Variants in MDM2 observed in about 807,000 individuals in gnomAD.
MDM2 encodes E3 ubiquitin-protein ligase Mdm2.
MDM2 carries 11 observed loss-of-function variants against 64.3 expected under a neutral mutation model. The observed-to-expected ratio is 0.17, with a 90% CI of 0.11 to 0.28. The LOEUF (loss-of-function observed/expected upper bound fraction) is 0.28. MDM2 is among the 10% of genes least tolerant of loss of function. The pLI, the probability that MDM2 is intolerant of heterozygous loss-of-function variation, is 1.00. For missense variants in MDM2, 388 were observed against 577.1 expected, an observed-to-expected ratio of 0.67 and a Z score of 3.36; for synonymous variants, 194 against 192.9, an observed-to-expected ratio of 1.01 and a Z score of -0.05.
At chr12:68,833,270 T>A (rs1336937721) in intron 8 of MDM2, among the ~76,000 whole-genome samples, 6 of 84,102 alleles carry the variant, frequency 7.1e-5, no homozygotes, top group Admixed American at 4.5e-4. Flanking sequence ...TATAATTATA[T>A]ATTTATATAA....
intron 8 of MDM2, among the ~76,000 whole-genome samples, chr12:68,829,787 A>C (rs1249203157): frequency 6.6e-6 from 1 of 150,474 alleles, no homozygotes; most frequent in Admixed American, 6.6e-5. Context: ...AAAAAAATGC[A>C]GGTTTATTAT....
At position 68,815,688 on chromosome 12, in the gene MDM2, T is replaced by C. The variant is rs543372390; in HGVS notation, c.175-1124T>C. 1.3e-4 allele frequency: 51 copies of C among 405,942 alleles called. 1 individual carries two copies. The highest frequency in any genetic ancestry group is 8.5e-4 in the South Asian group (49 of 57,972). 25.1% of individuals were successfully genotyped at this position (405,942 alleles called of 1,614,324 possible). A position where few individuals can be genotyped will look rare whatever the true frequency, so the allele number is the denominator to read the frequency against. On this transcript the variant is annotated intron_variant, in intron 3 of 10. Transcript: ENST00000258149. ...GAACTCCTGGGCTCAAGGGATCTGC[T>C]TACCTCGGCCTCCTAAAGTGCTAGA... is the stretch of plus-strand genomic sequence containing the variant.
intron 5 of MDM2, among the ~76,000 whole-genome samples, chr12:68,821,168 C>T (rs1338951711): frequency 6.6e-6 from 1 of 151,784 alleles, no homozygotes; most frequent in African/African-American, 2.4e-5. Flanking sequence ...CTGCCTCAGC[C>T]TCCCGAGTAG....
chr12:68,822,828 C>T (rs1330096615), intron 5 of MDM2, among the ~76,000 whole-genome samples: 2 of 151,804 alleles, frequency 1.3e-5, no homozygotes, highest in African/African-American at 2.4e-5. Context: ...GCAACCTCTG[C>T]TTCCCGGGTT....
In MDM2 at chr12:68,840,096, G is replaced by A. The variant is rs1883635701; in HGVS notation, c.*247G>A. The A allele has an allele frequency of 7.2e-6, 3 of 418,554 alleles. No individual in the cohort carries two copies. Among genetic ancestry groups the A allele is most frequent in the South Asian group, 4.7e-5 (1 of 21,144 alleles). 25.9% of individuals were successfully genotyped at this position (418,554 alleles called of 1,614,324 possible). A position where few individuals can be genotyped will look rare whatever the true frequency, so the allele number is the denominator to read the frequency against. ...ATAATTTCTACTCTGTCTTAAATGA[G>A]AAGTACTTGGTTTTTTTTTTTCTTA... On this transcript the variant is annotated 3_prime_UTR_variant, in exon 11 of 11. Transcript: ENST00000258149.
Position 68,842,048 on chromosome 12 carries a change from A to G in MDM2, c.*2199A>G, listed in dbSNP as rs775833695. 76 of 405,530 alleles carry G rather than the reference A, an allele frequency of 1.9e-4. No homozygotes were observed. The highest frequency in any genetic ancestry group is 2.6e-4 in the Non-Finnish European group (54 of 210,902). The allele number at this position is 405,530 out of a possible 1,614,324, so 25.1% of individuals were successfully genotyped here. ...TCACAAAAACTTTAAAAGAAGTGCA[A>G]TTCTCAAAAGGTTAGGTGGACTAAA... On this transcript the variant is annotated 3_prime_UTR_variant, in exon 11 of 11. Transcript: ENST00000258149.
At chr12:68,811,097 TC>T (rs1880849719) in intron 2 of MDM2, among the ~76,000 whole-genome samples, 1 of 148,756 alleles carries the variant, frequency 6.7e-6, no homozygotes, top group Non-Finnish European at 1.5e-5. Flanking sequence ...ACTCCCAACT[TC>T]AGGTGATCTG....
At chr12:68,836,951 T>C (rs1313671964) in intron 10 of MDM2, among the ~76,000 whole-genome samples, 1 of 143,366 alleles carries the variant, frequency 7.0e-6, no homozygotes, top group Non-Finnish European at 1.5e-5. Context: ...TGCTGGAATT[T>C]GAACTTTTTT....
intron 10 of MDM2, among the ~76,000 whole-genome samples, chr12:68,837,379 A>C (rs1482051655): frequency 1.3e-5 from 2 of 148,988 alleles, no homozygotes; most frequent in Admixed American, 6.7e-5. Flanking sequence ...TTTTCAATTG[A>C]GATAGGGTCC....
intron 7 of MDM2, among the ~76,000 whole-genome samples, chr12:68,825,434 A>G (rs1034871355): frequency 2.0e-5 from 3 of 152,124 alleles, no homozygotes; most frequent in African/African-American, 4.8e-5. Context: ...CGGGTGGATC[A>G]TGAGGTCAGG....
chr12:68,832,172 T>G (rs1882850091), intron 8 of MDM2, among the ~76,000 whole-genome samples: 1 of 152,162 alleles, frequency 6.6e-6, no homozygotes, highest in African/African-American at 2.4e-5. Context: ...TTTCCCTCAT[T>G]TGAGAATGTT....
chr12:68,808,927 A>G, intron 1 of MDM2: 27 of 1,367,860 alleles, frequency 2.0e-5, no homozygotes, highest in Non-Finnish European at 2.3e-5. Flanking sequence ...TGAGCTGGTC[A>G]AGTTCAGACA....
chr12:68,815,515 C>G (rs921314630), intron 3 of MDM2: 1 of 166,232 alleles, frequency 6.0e-6, no homozygotes, highest in African/African-American at 2.6e-5. Flanking sequence ...GATCACTGCT[C>G]GCTGCAGCCT....
chr12:68,824,045 C>T (rs1592582929), intron 5 of MDM2, among the ~76,000 whole-genome samples: 1 of 152,134 alleles, frequency 6.6e-6, no homozygotes, highest in East Asian at 1.9e-4. Flanking sequence ...TATTGTCCTA[C>T]AAAATATTTC....
rs1320937462 is a variant in MDM2 at position 68,824,381 on chromosome 12, C to T, written c.377C>T (p.Thr126Ile). 4.4e-6 allele frequency: 7 copies of T among 1,608,100 alleles called. No individual in the cohort carries two copies. The East Asian group carries it at 1.3e-4, about 31-fold the overall frequency. The change falls in exon 6 of 11, where the codon ACA becomes ATA. Residue 126 changes from threonine to isoleucine, a missense_variant. Coordinates refer to ENST00000258149, the MANE Select transcript of MDM2 (RefSeq NM_002392.6). The part of the protein sequence containing the change: ...VNQQESSDSG[T>I]SVSENRCHLE... Reference sequence around the variant, plus strand: ...CTCTCAGAATCATCGGACTCAGGTACATCTGTGAGTGAGAACAGGTGTCAC... The same window carrying T: ...CTCTCAGAATCATCGGACTCAGGTATATCTGTGAGTGAGAACAGGTGTCAC...
chr12:68,836,536 C>A, intron 9 of MDM2, 136 bp from the exon 10 acceptor site: 1 of 691,732 alleles, frequency 1.4e-6, no homozygotes, highest in South Asian at 1.6e-5. Context: ...TTTACACTCA[C>A]TTACTCTATT....
downstream of MDM2, chr12:68,846,688 T>G (rs1282490751): frequency 6.6e-6 from 1 of 152,190 alleles, no homozygotes; most frequent in African/African-American, 2.4e-5. Flanking sequence ...TTCTACTGGA[T>G]TATTTTAGAC....
At chr12:68,833,153 T>A (rs866533867) in intron 8 of MDM2, among the ~76,000 whole-genome samples, 28 of 111,832 alleles carry the variant, frequency 2.5e-4, no homozygotes, top group East Asian at 1.4e-3. Context: ...AAAAAAAATA[T>A]ATATATATAT....
intron 4 of MDM2, among the ~76,000 whole-genome samples, chr12:68,817,832 C>G (rs1047705576): frequency 3.3e-5 from 5 of 151,932 alleles, no homozygotes; most frequent in South Asian, 2.1e-4. Flanking sequence ...GAGTCTTGCT[C>G]TATGGCCCAG....
Sources: gnomAD v4.1 joint callset for allele counts (sites outside exome capture counted in the v4.1 genomes callset) on GRCh38, gnomAD v4.1.1 for gene constraint, MANE v1.5 for transcripts, NCBI Gene and HGNC (gene_info 2026-07-23, HGNC 2026-07-21) for gene names.